Variants in LHFPL3 observed in about 807,000 individuals in gnomAD.
LHFPL3 encodes LHFPL tetraspan subfamily member 3.
LHFPL3 carries 5 observed loss-of-function variants against 19.3 expected under a neutral mutation model. The observed-to-expected ratio is 0.26, with a 90% CI of 0.14 to 0.54. The LOEUF (loss-of-function observed/expected upper bound fraction) is 0.54, where lower values mean the gene tolerates loss of function less well. Ranked by LOEUF, LHFPL3 falls within the 20% of genes least tolerant of loss-of-function variation. LHFPL3 has a pLI of 0.94. For missense variants in LHFPL3, 249 were observed against 307.4 expected, an observed-to-expected ratio of 0.81 and a Z score of 1.42; for synonymous variants, 133 against 126.2, an observed-to-expected ratio of 1.05 and a Z score of -0.36.
In LHFPL3 at chr7:104,335,646, A is replaced by C. The variant is rs191999110; in HGVS notation, c.445+6422A>C. 8.5e-4 allele frequency among the ~76,000 whole-genome samples: 130 copies of C among 152,316 alleles called. 1 individual carries two copies. Among genetic ancestry groups the C allele is most frequent in the African/African-American group, 2.9e-3 (122 of 41,578 alleles). ...ACAATCAACAAGTTTCCCACTGTAAAAATATAATAAAGTACTTCTATATTT... is the reference window on the plus strand; with the variant it reads ...ACAATCAACAAGTTTCCCACTGTAACAATATAATAAAGTACTTCTATATTT... On this transcript the variant is annotated intron_variant, in intron 1 of 2. Transcript: ENST00000424859.
intron 2 of LHFPL3, among the ~76,000 whole-genome samples, chr7:104,800,381 C>G (rs1790220542): frequency 6.6e-6 from 1 of 152,126 alleles, no homozygotes; most frequent in African/African-American, 2.4e-5. Flanking sequence ...GTTTTCTCCT[C>G]CTACCTCTCC....
intron 2 of LHFPL3, among the ~76,000 whole-genome samples, chr7:104,852,186 C>T (rs1312079810): frequency 6.6e-6 from 1 of 152,128 alleles, no homozygotes; most frequent in Non-Finnish European, 1.5e-5. Context: ...GGGAATGCCA[C>T]CTTAATTAAC....
At chr7:104,604,057 C>A (rs1398341478) in intron 1 of LHFPL3, among the ~76,000 whole-genome samples, 1 of 152,216 alleles carries the variant, frequency 6.6e-6, no homozygotes, top group African/African-American at 2.4e-5. Flanking sequence ...CTGATGGGGA[C>A]TCCCTGTGGC....
intron 1 of LHFPL3, among the ~76,000 whole-genome samples, chr7:104,369,435 T>A (rs1790567480): frequency 6.6e-6 from 1 of 152,252 alleles, no homozygotes; most frequent in Non-Finnish European, 1.5e-5. Context: ...AGAATTTTTA[T>A]TGTATAAACA....
At chr7:104,561,628 T>C (rs1445343661) in intron 1 of LHFPL3, among the ~76,000 whole-genome samples, 5 of 152,306 alleles carry the variant, frequency 3.3e-5, no homozygotes, top group South Asian at 2.1e-4. Context: ...GGTCTTGACT[T>C]GTTATCCAAT....
At chr7:104,645,281 T>A (rs1281787817) in intron 1 of LHFPL3, among the ~76,000 whole-genome samples, 4 of 152,320 alleles carry the variant, frequency 2.6e-5, no homozygotes, top group Non-Finnish European at 4.4e-5. Context: ...TATTTTGGTT[T>A]GCAAAGATTA....
chr7:104,662,106 A>C (rs1236137103), intron 1 of LHFPL3, among the ~76,000 whole-genome samples: 1 of 152,124 alleles, frequency 6.6e-6, no homozygotes, highest in Non-Finnish European at 1.5e-5. Flanking sequence ...AAAACTTATT[A>C]ATTGTTTATT....
chr7:104,648,670 C>A (rs113839932), intron 1 of LHFPL3, among the ~76,000 whole-genome samples: 3 of 152,112 alleles, frequency 2.0e-5, no homozygotes, highest in Non-Finnish European at 4.4e-5. Context: ...ATGTGTACAG[C>A]GCTTACTTTA....
intron 1 of LHFPL3, among the ~76,000 whole-genome samples, chr7:104,551,871 T>C (rs1794667764): frequency 6.6e-6 from 1 of 152,180 alleles, no homozygotes; most frequent in South Asian, 2.1e-4. Context: ...GATCCTTATT[T>C]TTCAGCAACT....
chr7:104,578,261 C>T (rs917797281), intron 1 of LHFPL3, among the ~76,000 whole-genome samples: 3 of 152,200 alleles, frequency 2.0e-5, no homozygotes, highest in Admixed American at 6.5e-5. Context: ...CTAGAGAGCC[C>T]GCTGCTTAGC....
At chr7:104,418,972 A>G (rs1791677015) in intron 1 of LHFPL3, among the ~76,000 whole-genome samples, 1 of 152,254 alleles carries the variant, frequency 6.6e-6, no homozygotes, top group Admixed American at 6.5e-5. Flanking sequence ...TTTTATTGAT[A>G]AGAAAACTGT....
chr7:104,626,397 T>G (rs1316662483), intron 1 of LHFPL3, among the ~76,000 whole-genome samples: 1 of 152,232 alleles, frequency 6.6e-6, no homozygotes, highest in Non-Finnish European at 1.5e-5. Context: ...ACCAAATTCC[T>G]CTGGTTTGCA....
intron 1 of LHFPL3, among the ~76,000 whole-genome samples, chr7:104,396,735 T>C (rs1391093293): frequency 6.6e-6 from 1 of 151,672 alleles, no homozygotes; most frequent in Non-Finnish European, 1.5e-5. Context: ...GGTGGGCAGA[T>C]TGCTCGAGCT....
intron 1 of LHFPL3, among the ~76,000 whole-genome samples, chr7:104,536,831 T>C (rs892172494): frequency 6.6e-6 from 1 of 152,186 alleles, no homozygotes; most frequent in Non-Finnish European, 1.5e-5. Context: ...AGCCAATACA[T>C]TTACAATAGA....
At chr7:104,590,639 C>T (rs1562943649) in intron 1 of LHFPL3, among the ~76,000 whole-genome samples, 1 of 152,178 alleles carries the variant, frequency 6.6e-6, no homozygotes, top group Non-Finnish European at 1.5e-5. Context: ...CCGCTTGGTG[C>T]AGAGCTGAGT....
chr7:104,601,916 CAG>C (rs1790976936), intron 1 of LHFPL3, among the ~76,000 whole-genome samples: 1 of 152,012 alleles, frequency 6.6e-6, no homozygotes. Context: ...CCTACCCAGA[CAG>C]AGCCCCTGAA....
chr7:104,497,911 T>C (rs1366894531), intron 1 of LHFPL3, among the ~76,000 whole-genome samples: 1 of 139,756 alleles, frequency 7.2e-6, no homozygotes, highest in African/African-American at 2.8e-5. Context: ...CTGATGCAAG[T>C]GACTTGTGAG....
At chr7:104,694,952 C>T (rs556815696) in intron 1 of LHFPL3, among the ~76,000 whole-genome samples, 56 of 152,258 alleles carry the variant, frequency 3.7e-4, no homozygotes, top group African/African-American at 1.1e-3. Context: ...GATAGCTAGG[C>T]GCAGGAAGAT....
chr7:104,615,084 C>G lies in LHFPL3; in HGVS notation c.446-121591C>G, dbSNP rs545739214. On this transcript the variant is annotated intron_variant, in intron 1 of 2. Transcript: ENST00000424859. ...AACCTGTCTTTTACTTGATTTTTCC[C>G]CTTGATAAGTCAAGTAAACATATAT... Among the ~76,000 whole-genome samples, 37 of 152,118 alleles carry G rather than the reference C, an allele frequency of 2.4e-4. 1 individual carries two copies. The South Asian group carries it at 6.7e-3, about 27-fold the overall frequency.
Sources: allele counts gnomAD v4.1 joint callset (sites outside exome capture counted in the v4.1 genomes callset), GRCh38; gene constraint gnomAD v4.1.1; transcripts MANE v1.5; gene names NCBI Gene and HGNC (gene_info 2026-07-23, HGNC 2026-07-21).